Variants in KIAA1217 observed in about 807,000 individuals in gnomAD.
The protein encoded by KIAA1217 is sickle tail protein homolog.
A neutral mutation model predicts 163.9 loss-of-function variants in KIAA1217; 88 were observed. That is an observed-to-expected ratio of 0.54 (90% CI 0.45 to 0.64). The LOEUF (loss-of-function observed/expected upper bound fraction) is 0.64, where lower values mean the gene tolerates loss of function less well. Ranked by LOEUF, KIAA1217 falls within the 30% of genes least tolerant of loss-of-function variation. The pLI is 0.00. For missense variants in KIAA1217, 2,372 were observed against 2,475.0 expected, an observed-to-expected ratio of 0.96 and a Z score of 0.88; for synonymous variants, 903 against 923.1, an observed-to-expected ratio of 0.98 and a Z score of 0.39.
intron 9 of KIAA1217, among the ~76,000 whole-genome samples, chr10:24,506,323 G>A (rs571227471): frequency 6.6e-6 from 1 of 152,260 alleles, no homozygotes; most frequent in South Asian, 2.1e-4. Flanking sequence ...ATCCATTGTT[G>A]GCAAGACTGA....
intron 1 of KIAA1217, among the ~76,000 whole-genome samples, chr10:23,790,921 A>T (rs534211955): frequency 1.1e-4 from 17 of 151,980 alleles, no homozygotes; most frequent in African/African-American, 3.6e-4. Context: ...TTTTTTGTAG[A>T]GTCAGGGTTT....
chr10:24,313,050 A>T (rs145078628), intron 2 of KIAA1217, among the ~76,000 whole-genome samples: 44 of 152,368 alleles, frequency 2.9e-4, no homozygotes, highest in African/African-American at 9.4e-4. Flanking sequence ...ACTATTAAGA[A>T]CCTCAGATAT....
Position 24,515,260 on chromosome 10 carries a change from G to A in KIAA1217, c.2177+1826G>A, listed in dbSNP as rs184959403. On this transcript the variant is annotated intron_variant, in intron 10 of 20. Transcript: ENST00000376454. The stretch of plus-strand genomic sequence containing the variant: ...TTTTTGTATTTTTAGTAAAGACGGC[G>A]TTTCACCATATTGGTCAGGCTGGTC... 1.5e-4 allele frequency among the ~76,000 whole-genome samples: 23 copies of A among 152,032 alleles called. No homozygotes were observed. In the East Asian group the frequency reaches 3.4e-3, roughly 22 times the overall value.
intron 9 of KIAA1217, among the ~76,000 whole-genome samples, chr10:24,501,983 T>C (rs531083467): frequency 1.4e-3 from 215 of 152,080 alleles, no homozygotes; most frequent in Middle Eastern, 0.014. Context: ...TCTCCTGACC[T>C]CGTGATCCAC....
intron 2 of KIAA1217, among the ~76,000 whole-genome samples, chr10:24,201,867 A>G (rs1390335799): frequency 1.3e-5 from 2 of 152,212 alleles, no homozygotes; most frequent in East Asian, 3.9e-4. Context: ...AGCAGGGGCT[A>G]CAGTGAGCCC....
chr10:24,159,293 T>C (rs1448866998), intron 2 of KIAA1217, among the ~76,000 whole-genome samples: 1 of 152,102 alleles, frequency 6.6e-6, no homozygotes, highest in Non-Finnish European at 1.5e-5. Context: ...TCAGCATTCT[T>C]TTAAAAAAAC....
chr10:23,884,244 C>G (rs1841078105), intron 1 of KIAA1217, among the ~76,000 whole-genome samples: 1 of 151,906 alleles, frequency 6.6e-6, no homozygotes, highest in Non-Finnish European at 1.5e-5. Context: ...ATGAGAGTTC[C>G]TATTGCTCCA....
intron 1 of KIAA1217, among the ~76,000 whole-genome samples, chr10:23,908,493 G>A (rs909971123): frequency 6.6e-6 from 1 of 151,842 alleles, no homozygotes; most frequent in Non-Finnish European, 1.5e-5. Context: ...TTAGGTGTTC[G>A]CATGCCCAGA....
chr10:24,230,502 G>GTTTTTTTTTTTTTT (rs71397936), intron 2 of KIAA1217, among the ~76,000 whole-genome samples: 2 of 90,608 alleles, frequency 2.2e-5, no homozygotes, highest in Non-Finnish European at 1.9e-5. Context: ...TATTTGTTTT[G>GTTTTTTTTTTTTTT]TTTTTTTTTT....
At chr10:23,824,275 C>CA (rs1448748414) in intron 1 of KIAA1217, among the ~76,000 whole-genome samples, 54 of 149,570 alleles carry the variant, frequency 3.6e-4, no homozygotes, top group African/African-American at 1.2e-3. Context: ...GACCCTGTCT[C>CA]AAAAAATATA....
intron 1 of KIAA1217, among the ~76,000 whole-genome samples, chr10:23,908,801 A>T (rs1842296758): frequency 6.6e-6 from 1 of 152,172 alleles, no homozygotes; most frequent in Admixed American, 6.5e-5. Flanking sequence ...CTGTTGGTAA[A>T]ACCACTATGG....
At chr10:24,127,218 C>G (rs1277340112) in intron 2 of KIAA1217, among the ~76,000 whole-genome samples, 3 of 152,018 alleles carry the variant, frequency 2.0e-5, no homozygotes, top group African/African-American at 4.8e-5. Context: ...CTAATGTAAC[C>G]CTGAATGCCT....
chr10:24,138,311 C>T (rs971597811), intron 2 of KIAA1217, among the ~76,000 whole-genome samples: 1 of 152,134 alleles, frequency 6.6e-6, no homozygotes, highest in Non-Finnish European at 1.5e-5. Flanking sequence ...CACACCACCA[C>T]ACCTGGGTGG....
chr10:23,710,595 A>G (rs79432949), intron 1 of KIAA1217, among the ~76,000 whole-genome samples: 2,538 of 152,344 alleles, frequency 0.017, 75 homozygotes, highest in African/African-American at 0.059. Context: ...ACAAAGTTGA[A>G]ACATAGTGGG....
At chr10:23,979,514 CT>C (rs757888324) in intron 1 of KIAA1217, among the ~76,000 whole-genome samples, 9 of 152,032 alleles carry the variant, frequency 5.9e-5, no homozygotes, top group African/African-American at 2.2e-4. Context: ...GTATGTCATT[CT>C]TTTTTTTCTG....
intron 3 of KIAA1217, among the ~76,000 whole-genome samples, chr10:24,403,526 A>G (rs918771370): frequency 6.6e-6 from 1 of 152,196 alleles, no homozygotes; most frequent in Non-Finnish European, 1.5e-5. Context: ...GGCATGAGCC[A>G]TCTTGCCCAG....
intron 2 of KIAA1217, among the ~76,000 whole-genome samples, chr10:24,054,914 A>T (rs1849778000): frequency 6.6e-6 from 1 of 152,216 alleles, no homozygotes; most frequent in African/African-American, 2.4e-5. Context: ...CCTGTTGTAT[A>T]TGTGATTTGT....
At chr10:23,746,753 A>G (rs1050933075) in intron 1 of KIAA1217, among the ~76,000 whole-genome samples, 1 of 152,144 alleles carries the variant, frequency 6.6e-6, no homozygotes, top group Non-Finnish European at 1.5e-5. Context: ...TGAATGGACT[A>G]AGAGACATTC....
intron 1 of KIAA1217, among the ~76,000 whole-genome samples, chr10:23,889,240 T>C (rs1841319376): frequency 6.6e-6 from 1 of 151,904 alleles, no homozygotes. Context: ...AATTGTTTTC[T>C]AACGTGATGG....
Sources: gnomAD v4.1 joint callset for allele counts (sites outside exome capture counted in the v4.1 genomes callset) on GRCh38, gnomAD v4.1.1 for gene constraint, MANE v1.5 for transcripts, NCBI Gene and HGNC (gene_info 2026-07-23, HGNC 2026-07-21) for gene names.